Variants in EMILIN2 observed in about 807,000 individuals in gnomAD.
The protein encoded by EMILIN2 is EMILIN-2.
In EMILIN2, 71 loss-of-function variants were observed where a neutral mutation model predicts 87.1. The ratio of observed to expected loss-of-function variants is 0.82; its 90% CI spans 0.67 to 0.99. The LOEUF (loss-of-function observed/expected upper bound fraction) is 0.99, where lower values mean the gene tolerates loss of function less well. Ranked by LOEUF, EMILIN2 falls within the 50% of genes least tolerant of loss-of-function variation. The probability of loss-of-function intolerance (pLI) is 0.00; values close to 1 mark genes in which losing one functional copy is unlikely to be tolerated. For missense variants in EMILIN2, 1,407 were observed against 1,371.8 expected (o/e 1.03, Z -0.40); for synonymous variants, 581 against 563.4 (o/e 1.03, Z -0.44).
intron 2 of EMILIN2, among the ~76,000 whole-genome samples, chr18:2,859,351 G>A (rs940761544): frequency 6.6e-6 from 1 of 151,882 alleles, no homozygotes; most frequent in African/African-American, 2.4e-5. Flanking sequence ...ATGTTTTTTG[G>A]CCATTTGTAC....
At chr18:2,863,872 T>A (rs2076673340) in intron 2 of EMILIN2, among the ~76,000 whole-genome samples, 1 of 152,194 alleles carries the variant, frequency 6.6e-6, no homozygotes, top group Non-Finnish European at 1.5e-5. Context: ...TTTGTAGGTC[T>A]CTAAGGACTT....
Position 2,907,033 on chromosome 18 carries a change from C to T in EMILIN2, c.2610C>T (p.Gly870=), listed in dbSNP as rs1423280888. The T allele has an allele frequency of 2.3e-6, 3 of 1,299,000 alleles. No homozygotes were observed. The highest frequency in any genetic ancestry group is 4.0e-5 in the Admixed American group (1 of 25,274). The allele number at this position is 1,299,000 out of a possible 1,614,324, so 80.5% of individuals were successfully genotyped here. A position where few individuals can be genotyped will look rare whatever the true frequency, so the allele number is the denominator to read the frequency against. The part of the protein sequence containing the change: ...SGRGLPRGVD[G]QTGSGTVPGA... ...GGGGTCTGCCGCGGGGCGTGGACGGCCAGACCGGGAGCGGCACCGTCCCCG... is the reference window on the plus strand; with the variant it reads ...GGGGTCTGCCGCGGGGCGTGGACGGTCAGACCGGGAGCGGCACCGTCCCCG... Residue 870 remains glycine, a synonymous_variant, in exon 5 of 8, where the codon GGC becomes GGT. Coordinates refer to ENST00000254528, the MANE Select transcript of EMILIN2 (RefSeq NM_032048.3).
chr18:2,873,576 G>T (rs867692209), intron 2 of EMILIN2, among the ~76,000 whole-genome samples: 1 of 148,736 alleles, frequency 6.7e-6, no homozygotes, highest in South Asian at 2.1e-4. Context: ...GCGTGGTGGC[G>T]GGCGCCTGTA....
intron 4 of EMILIN2, among the ~76,000 whole-genome samples, chr18:2,892,944 C>T (rs866595117): frequency 4.0e-5 from 6 of 150,998 alleles, no homozygotes; most frequent in East Asian, 3.9e-4. Flanking sequence ...CCCAGCTAGT[C>T]GGGAGGCTGA....
intron 2 of EMILIN2, among the ~76,000 whole-genome samples, chr18:2,874,494 TC>T (rs2076737791): frequency 6.6e-6 from 1 of 152,094 alleles, no homozygotes; most frequent in Non-Finnish European, 1.5e-5. Flanking sequence ...AGCAGCCCCC[TC>T]CCCTCCTTGG....
At chr18:2,856,552 A>G (rs1048512725) in intron 2 of EMILIN2, among the ~76,000 whole-genome samples, 1 of 152,190 alleles carries the variant, frequency 6.6e-6, no homozygotes, top group African/African-American at 2.4e-5. Flanking sequence ...TGTTGTTACT[A>G]ACATGTGCTG....
At chr18:2,885,293 C>T (rs2076798226) in intron 3 of EMILIN2, among the ~76,000 whole-genome samples, 154 bp downstream of exon 3, 1 of 152,182 alleles carries the variant, frequency 6.6e-6, no homozygotes, top group African/African-American at 2.4e-5. Flanking sequence ...CAAATTTATT[C>T]TCAGGAGCAG....
chr18:2,875,322 C>A (rs1156713510), intron 2 of EMILIN2, among the ~76,000 whole-genome samples: 2 of 152,202 alleles, frequency 1.3e-5, no homozygotes, highest in African/African-American at 4.8e-5. Context: ...TGGCTCAGGC[C>A]AGCAGATGTT....
rs2076586905 is a variant in EMILIN2, at chr18:2,848,377, G to A, written c.257+446G>A. On this transcript the variant is annotated intron_variant, in intron 2 of 7. Coordinates refer to ENST00000254528, the MANE Select transcript of EMILIN2 (RefSeq NM_032048.3). The surrounding 1 kb of genome is among the most constrained non-coding windows in gnomAD (Gnocchi z 4.1). ...TTGGCTAAGTAGTGTTCTAAAACGA[G>A]TGAGTTCTGTCCGTATGTCCCCATA... Among the ~76,000 whole-genome samples, 1 of 152,148 alleles carries A rather than the reference G, an allele frequency of 6.6e-6. No homozygotes were observed. Among genetic ancestry groups the A allele is most frequent in the Non-Finnish European group, 1.5e-5 (1 of 68,042 alleles).
chr18:2,858,557 ATATATATATATATGTGTGTGTGTGTG>A (rs1295990856), intron 2 of EMILIN2, among the ~76,000 whole-genome samples: 30 of 54,526 alleles, frequency 5.5e-4, no homozygotes, highest in Admixed American at 9.6e-4. Flanking sequence ...ATATATATAT[ATATATATATATATGTGTGTGTGTGTG>A]TATATATATA....
intron 2 of EMILIN2, among the ~76,000 whole-genome samples, chr18:2,853,897 C>T (rs2076613949): frequency 6.6e-6 from 1 of 152,246 alleles, no homozygotes; most frequent in Non-Finnish European, 1.5e-5. Flanking sequence ...GGACGTACGG[C>T]TGGTAGAAAA....
rs145393531 is a variant in EMILIN2, at chr18:2,877,374, CT to C, written c.258-7581del. 4.5e-3 allele frequency among the ~76,000 whole-genome samples: 671 copies of C among 150,338 alleles called. 3 individuals are homozygous for C. Among genetic ancestry groups the C allele is most frequent in the African/African-American group, 0.015 (627 of 40,878 alleles). ...AGTGTCAATAAATATAAAAAGCCCT[CT>C]TTTTTTTTCTCATACCACATCGTCT... is the stretch of plus-strand genomic sequence containing the variant. On this transcript the variant is annotated intron_variant, in intron 2 of 7. Transcript: ENST00000254528.
At chr18:2,912,420 G>A (rs1472919000) in intron 7 of EMILIN2, among the ~76,000 whole-genome samples, 2 of 152,176 alleles carry the variant, frequency 1.3e-5, no homozygotes, top group Non-Finnish European at 2.9e-5. Context: ...TCCGATGTCT[G>A]CTGCGGAGCC....
At chr18:2,863,978 C>T (rs2076673931) in intron 2 of EMILIN2, among the ~76,000 whole-genome samples, 1 of 152,100 alleles carries the variant, frequency 6.6e-6, no homozygotes, top group Non-Finnish European at 1.5e-5. Flanking sequence ...TATGTAATGG[C>T]CTTCTTTGTC....
Position 2,913,530 on chromosome 18 carries a change from T to C in EMILIN2, c.*126T>C. ...CCACATAGGCCCCAACATAAAGGCC[T>C]TCCCTCGCTGTTGAGGCCACCATGC... On this transcript the variant is annotated 3_prime_UTR_variant, in exon 8 of 8. Coordinates refer to ENST00000254528, the MANE Select transcript of EMILIN2 (RefSeq NM_032048.3). 1.3e-6 allele frequency: 1 copy of C among 751,006 alleles called. No individual in the cohort carries two copies. The highest frequency in any genetic ancestry group is 2.8e-5 in the East Asian group (1 of 36,094). The allele number at this position is 751,006 out of a possible 1,614,324, so 46.5% of individuals were successfully genotyped here. A position where few individuals can be genotyped will look rare whatever the true frequency, so the allele number is the denominator to read the frequency against.
Position 2,891,575 on chromosome 18 carries a change from T to TG in EMILIN2, c.1451dup (p.Asp485Ter). 1 of 1,613,892 alleles carries TG rather than the reference T, an allele frequency of 6.2e-7. No individual in the cohort carries two copies. On this transcript the variant is annotated frameshift_variant, in exon 4 of 8. Transcript: ENST00000254528. LOFTEE classifies it high-confidence loss of function. This position sits in a 1 kb window ranked among gnomAD's most constrained non-coding sequence, Gnocchi z 4.6. ...CTTCGGGGCGCCATTAATGGAGAGG[T>TG]GGGTGACTTGAAGCAGCTTGTTGAT... is the stretch of plus-strand genomic sequence containing the variant.
rs539286629 is a variant in EMILIN2, at chr18:2,873,439, A to G, written c.258-11525A>G. 2.8e-4 allele frequency among the ~76,000 whole-genome samples: 41 copies of G among 148,794 alleles called. No individual in the cohort carries two copies. In the South Asian group the frequency reaches 4.9e-3, roughly 18 times the overall value. On this transcript the variant is annotated intron_variant, in intron 2 of 7. Transcript: ENST00000254528. ...AAATAAATAAATAGCTGGGCGCGGT[A>G]GCTCACGCCTATAATCCCAGCACTT...
rs769447842 is a variant in EMILIN2 at position 2,847,899 on chromosome 18, C to T, written c.225C>T (p.Ala75=). 1.2e-6 allele frequency: 2 copies of T among 1,612,920 alleles called. No individual in the cohort carries two copies. The highest frequency in any genetic ancestry group is 1.7e-6 in the Non-Finnish European group (2 of 1,179,664). Residue 75 remains alanine (A), a synonymous_variant, in exon 2 of 8, where the codon GCC becomes GCT. Coordinates refer to ENST00000254528, the MANE Select transcript of EMILIN2 (RefSeq NM_032048.3). The surrounding 1 kb of genome is among the most constrained non-coding windows in gnomAD (Gnocchi z 4.5). ...ESFIQAQYNC[A]WNQMPCPSAL... ...TTATTCAGGCTCAGTACAACTGTGC[C>T]TGGAACCAGATGCCCTGTCCGTCGG...
At chr18:2,889,692 C>CTTTTT (rs34248672) in intron 3 of EMILIN2, among the ~76,000 whole-genome samples, 117 of 96,566 alleles carry the variant, frequency 1.2e-3, no homozygotes, top group African/African-American at 2.0e-3. Flanking sequence ...TTTTTCTTTT[C>CTTTTT]TTTTTTTTTT....
Sources: allele counts gnomAD v4.1 joint callset (sites outside exome capture counted in the v4.1 genomes callset), GRCh38; gene constraint gnomAD v4.1.1; non-coding constraint Gnocchi (gnomAD v3.1); transcripts MANE v1.5; gene names NCBI Gene and HGNC (gene_info 2026-07-23, HGNC 2026-07-21).